The following NTN5 variants were observed in gnomAD, a reference collection of about 807,000 sequenced individuals.
NTN5 encodes netrin-5.
In NTN5, 42 loss-of-function variants were observed where a neutral mutation model predicts 38.7. That is an observed-to-expected ratio of 1.08 (90% confidence interval 0.85 to 1.40). The LOEUF (loss-of-function observed/expected upper bound fraction) is 1.40. NTN5 is among the 40% of genes most tolerant of loss of function. NTN5 has a pLI of 0.00. For synonymous variants in NTN5, 329 were observed against 303.9 expected (o/e 1.08, Z -0.86); for missense variants, 658 against 716.5 (o/e 0.92, Z 0.93).
chr19:48,670,909 G>T lies in NTN5; in HGVS notation c.78C>A (p.Pro26=). The T allele has an allele frequency of 6.2e-7, 1 of 1,604,300 alleles. No individual in the cohort carries two copies. Among genetic ancestry groups the T allele is most frequent in the Non-Finnish European group, 8.5e-7 (1 of 1,174,946 alleles). ...GTGTCACTGGCGGGAGGCAGAATTGGGGGCGGCCCTGTGGATCGTAGCATG... is the reference window on the plus strand; with the variant it reads ...GTGTCACTGGCGGGAGGCAGAATTGTGGGCGGCCCTGTGGATCGTAGCATG... ...ADPCYDPQGR[P]QFCLPPVTQL... Residue 26 remains proline (P), a synonymous_variant, in exon 2 of 7, where the codon CCC becomes CCA. Transcript: ENST00000270235.
chr19:48,664,881 G>C, intron 2 of NTN5, 114 bp from the exon 3 acceptor site: 1 of 839,672 alleles, frequency 1.2e-6, no homozygotes, highest in Non-Finnish European at 1.7e-6. Flanking sequence ...GTCCAAGGTA[G>C]AAGAGAATGC....
chr19:48,669,630 C>T (rs1433330830), intron 2 of NTN5, among the ~76,000 whole-genome samples: 1 of 894 alleles, frequency 1.1e-3, no homozygotes, highest in African/African-American at 7.4e-3. Context: ...ATCACCACCA[C>T]CAGTCATCAC....
chr19:48,661,429 T>G lies in NTN5; in HGVS notation c.*248A>C. 8.0e-6 allele frequency: 3 copies of G among 375,908 alleles called. No homozygotes were observed. The highest frequency in any genetic ancestry group is 1.4e-5 in the Non-Finnish European group (3 of 212,764). 23.3% of individuals were successfully genotyped at this position (375,908 alleles called of 1,614,324 possible). On this transcript the variant is annotated 3_prime_UTR_variant, in exon 7 of 7. Transcript: ENST00000270235. ...AAATTCCCAAAGATTTGAGACTTTA[T>G]TGGGGGAAACAGATCACTGGCGGGG... is the stretch of plus-strand genomic sequence containing the variant.
intron 4 of NTN5, 121 bp downstream of exon 4, chr19:48,664,022 G>T: frequency 7.6e-7 from 1 of 1,323,114 alleles, no homozygotes; most frequent in Non-Finnish European, 1.0e-6. Flanking sequence ...CCAGAGTCCA[G>T]CCTCCAGCCT....
At chr19:48,669,032 C>G (rs1351164260) in intron 2 of NTN5, among the ~76,000 whole-genome samples, 2 of 145,112 alleles carry the variant, frequency 1.4e-5, no homozygotes. Flanking sequence ...TCACCACTAT[C>G]ACTATCATCA....
At chr19:48,664,935 C>T (rs916461029) in intron 2 of NTN5, among the ~76,000 whole-genome samples, 168 bp from the exon 3 acceptor site, 8 of 151,878 alleles carry the variant, frequency 5.3e-5, no homozygotes, top group East Asian at 2.0e-4. Context: ...TTTTTTGAGA[C>T]GGAGACTCAC....
chr19:48,669,721 C>CACCATCACCACCACCATCACCATCAT (rs2031866981), intron 2 of NTN5, among the ~76,000 whole-genome samples: 2 of 107,032 alleles, frequency 1.9e-5, no homozygotes, highest in East Asian at 5.9e-4. Flanking sequence ...ACCATCACCA[C>CACCATCACCACCACCATCACCATCAT]CACCACCACC....
intron 2 of NTN5, among the ~76,000 whole-genome samples, chr19:48,667,952 G>C (rs2031748347): frequency 6.6e-6 from 1 of 152,184 alleles, no homozygotes; most frequent in Non-Finnish European, 1.5e-5. Flanking sequence ...GTATATGTCT[G>C]TGTCTGTTGG....
rs766755719 is a variant in NTN5, at chr19:48,670,828, G to T, written c.159C>A (p.Asn53Lys). ...TGCAGGTTTCCCTGGCGCCAAGGTG[G>T]TTTCCTGGGGACAGGGCACAGGCCT... ...CPQACALSPG[N>K]HLGARETCNG... is the part of the protein sequence containing the mutation. Residue 53 changes from asparagine to lysine, a missense_variant, in exon 2 of 7, where the codon AAC becomes AAA. Asn to Lys is a moderately conservative substitution (Grantham distance 94). Coordinates refer to ENST00000270235, the MANE Select transcript of NTN5 (RefSeq NM_145807.4). The T allele has an allele frequency of 4.7e-5, 76 of 1,612,964 alleles. No individual in the cohort carries two copies. In the Admixed American group the frequency reaches 1.3e-3, roughly 27 times the overall value.
intron 2 of NTN5, among the ~76,000 whole-genome samples, chr19:48,665,635 G>A (rs534107161): frequency 6.6e-5 from 10 of 152,120 alleles, no homozygotes; most frequent in African/African-American, 1.9e-4. Flanking sequence ...AGCCTGGCCA[G>A]CGTGGTGAAA....
intron 6 of NTN5, 102 bp from the exon 7 acceptor site, chr19:48,662,143 G>T: frequency 4.1e-6 from 5 of 1,216,458 alleles, no homozygotes; most frequent in South Asian, 3.9e-5. Flanking sequence ...AGACCGGTGG[G>T]TGGGCTTCTG....
Position 48,661,433 on chromosome 19 carries a change from G to A in NTN5, c.*244C>T, listed in dbSNP as rs1044332267. The A allele has an allele frequency of 2.5e-6, 1 of 396,284 alleles. No homozygotes were observed. The highest frequency in any genetic ancestry group is 5.4e-5 in the South Asian group (1 of 18,366). 24.5% of individuals were successfully genotyped at this position (396,284 alleles called of 1,614,324 possible). A position where few individuals can be genotyped will look rare whatever the true frequency, so the allele number is the denominator to read the frequency against. On this transcript the variant is annotated 3_prime_UTR_variant, in exon 7 of 7. Transcript: ENST00000270235. ...TCCCAAAGATTTGAGACTTTATTGGGGGAAACAGATCACTGGCGGGGAATA... is the reference window on the plus strand; with the variant it reads ...TCCCAAAGATTTGAGACTTTATTGGAGGAAACAGATCACTGGCGGGGAATA...
Position 48,670,344 on chromosome 19 carries a change from C to T in NTN5, c.631+12G>A, listed in dbSNP as rs111969088. On this transcript the variant is annotated intron_variant, in intron 2 of 6. Transcript: ENST00000270235. ...AGGCAAAGGCAGGGAGAGTGAGGGGCGCAGGACTCACGTAGGCAAGGGTGG... is the reference window on the plus strand; with the variant it reads ...AGGCAAAGGCAGGGAGAGTGAGGGGTGCAGGACTCACGTAGGCAAGGGTGG... 107 of 1,402,782 alleles carry T rather than the reference C, an allele frequency of 7.6e-5. No individual in the cohort carries two copies. The highest frequency in any genetic ancestry group is 6.1e-4 in the African/African-American group (40 of 65,356). The allele number at this position is 1,402,782 out of a possible 1,614,324, so 86.9% of individuals were successfully genotyped here.
chr19:48,663,476 G>T lies in NTN5; in HGVS notation c.1092C>A (p.Cys364Ter). 6.2e-7 allele frequency: 1 copy of T among 1,613,976 alleles called. No individual in the cohort carries two copies. The highest frequency in any genetic ancestry group is 8.5e-7 in the Non-Finnish European group (1 of 1,179,862). ...TRVHMSLRRY[C>*]QQDHVLRAQV... ...CCCAGCACTCACCATGGTCCTGCTG[G>T]CAGTACCTCCGAAGGCTCATGTGTA... The change falls in exon 6 of 7, where the codon TGC becomes TGA. Residue 364 changes from cysteine to a stop codon, truncating the protein, a stop_gained. Transcript: ENST00000270235. LOFTEE classifies it low-confidence loss of function (END_TRUNC).
chr19:48,664,026 C>T (rs936792306), intron 4 of NTN5, 117 bp downstream of exon 4: 1 of 1,352,764 alleles, frequency 7.4e-7, no homozygotes, highest in African/African-American at 1.5e-5. Context: ...AGTCCAGCCT[C>T]CAGCCTTGGG....
Position 48,667,128 on chromosome 19 carries a change from G to A in NTN5, c.632-2361C>T, listed in dbSNP as rs542198961. On this transcript the variant is annotated intron_variant, in intron 2 of 6. Coordinates refer to ENST00000270235, the MANE Select transcript of NTN5 (RefSeq NM_145807.4). ...CCCAGGGTTTTTGTGGGCATTCAAAGTGGCAAAGCTATTCAGATGATCAGT... is the reference window on the plus strand; with the variant it reads ...CCCAGGGTTTTTGTGGGCATTCAAAATGGCAAAGCTATTCAGATGATCAGT... 5.9e-5 allele frequency among the ~76,000 whole-genome samples: 9 copies of A among 152,286 alleles called. No homozygotes were observed. In the East Asian group the frequency reaches 1.7e-3, roughly 29 times the overall value.
intron 6 of NTN5, 41 bp downstream of exon 6, chr19:48,663,422 C>T (rs1246044822): frequency 1.9e-6 from 3 of 1,564,524 alleles, no homozygotes; most frequent in African/African-American, 1.4e-5. Context: ...TCATCAGAAC[C>T]AGCTGTGTAG....
Position 48,661,997 on chromosome 19 carries a change from A to G in NTN5, c.1150T>C (p.Trp384Arg). Residue 384 changes from tryptophan to arginine, a missense_variant, in exon 7 of 7, where the codon TGG becomes CGG. Transcript: ENST00000270235. ...VLASEAAGPA[W>R]QRLAVRVLAV... ...AGCACGCGCACGGCCAGCCGCTGCC[A>G]TGCCGGGCCCGCCGCCTCGGACGCT... The G allele has an allele frequency of 6.7e-7, 1 of 1,488,464 alleles. No homozygotes were observed. Among genetic ancestry groups the G allele is most frequent in the Non-Finnish European group, 8.9e-7 (1 of 1,126,466 alleles). 92.2% of individuals were successfully genotyped at this position (1,488,464 alleles called of 1,614,324 possible). A position where few individuals can be genotyped will look rare whatever the true frequency, so the allele number is the denominator to read the frequency against.
chr19:48,665,951 A>G (rs2031694170), intron 2 of NTN5, among the ~76,000 whole-genome samples: 1 of 137,160 alleles, frequency 7.3e-6, no homozygotes, highest in Non-Finnish European at 1.5e-5. Flanking sequence ...GTGAAATGGC[A>G]TTTATAATGT....
Sources: gnomAD v4.1 joint callset for allele counts (sites outside exome capture counted in the v4.1 genomes callset) on GRCh38, gnomAD v4.1.1 for gene constraint, MANE v1.5 for transcripts, NCBI Gene and HGNC (gene_info 2026-07-23, HGNC 2026-07-21) for gene names.